The following ARHGAP24 variants were observed in gnomAD, a reference collection of about 807,000 sequenced individuals.
ARHGAP24 encodes the protein Rho GTPase activating protein 24.
A neutral mutation model predicts 76.4 loss-of-function variants in ARHGAP24; 50 were observed. The ratio of observed to expected loss-of-function variants is 0.65; its 90% CI spans 0.52 to 0.83. The LOEUF (loss-of-function observed/expected upper bound fraction) is 0.83. ARHGAP24 is among the 40% of genes least tolerant of loss of function. ARHGAP24 has a pLI of 0.00. For synonymous variants in ARHGAP24, 345 were observed against 323.3 expected, an observed-to-expected ratio of 1.07 and a Z score of -0.72; for missense variants, 930 against 914.2, an observed-to-expected ratio of 1.02 and a Z score of -0.22.
Position 85,707,410 on chromosome 4 carries a change from G to A in ARHGAP24, c.181-14475G>A, listed in dbSNP as rs1289975124. Among the ~76,000 whole-genome samples, 8 of 9,868 alleles carry A rather than the reference G, an allele frequency of 8.1e-4. No individual in the cohort carries two copies. In the Non-Finnish European group the frequency reaches 0.015, roughly 18 times the overall value. The allele number at this position is 9,868 out of a possible 152,430, so 6.5% of individuals were successfully genotyped here. A position where few individuals can be genotyped will look rare whatever the true frequency, so the allele number is the denominator to read the frequency against. ...CTTGAATTAGTATTTTATTTTGACTGAGATAAGAACGTTATTTAACTTTTA... is the reference window on the plus strand; with the variant it reads ...CTTGAATTAGTATTTTATTTTGACTAAGATAAGAACGTTATTTAACTTTTA... On this transcript the variant is annotated intron_variant, in intron 2 of 9. Transcript: ENST00000395184.
intron 2 of ARHGAP24, among the ~76,000 whole-genome samples, chr4:85,576,445 T>C (rs1285530307): frequency 1.3e-5 from 2 of 149,964 alleles, no homozygotes; most frequent in African/African-American, 4.9e-5. Flanking sequence ...AAAAAAAAAG[T>C]AAGTTCTAAT....
intron 3 of ARHGAP24, among the ~76,000 whole-genome samples, chr4:85,879,312 C>T (rs76324169): frequency 3.5e-4 from 53 of 152,130 alleles, no homozygotes; most frequent in East Asian, 2.7e-3. Context: ...CATTTCTGTA[C>T]GACACGTTAA....
In ARHGAP24 at chr4:85,900,254, A is replaced by G. The variant is rs72972032; in HGVS notation, c.269-23394A>G. Among the ~76,000 whole-genome samples, 786 of 152,304 alleles carry G rather than the reference A, an allele frequency of 5.2e-3. 7 individuals carry two copies. The highest frequency in any genetic ancestry group is 0.017 in the African/African-American group (727 of 41,570). ...ATCAATATCAGTATTCTATCAGTAT[A>G]TGTTCTCCCCACCACTATTCAGGGA... On this transcript the variant is annotated intron_variant, in intron 3 of 9. Coordinates refer to ENST00000395184, the MANE Select transcript of ARHGAP24 (RefSeq NM_001025616.3).
At chr4:85,630,854 GC>G (rs1721135096) in intron 2 of ARHGAP24, among the ~76,000 whole-genome samples, 1 of 151,680 alleles carries the variant, frequency 6.6e-6, no homozygotes, top group African/African-American at 2.4e-5. Flanking sequence ...AAGAATGTTA[GC>G]CCTTACTTGT....
intron 2 of ARHGAP24, among the ~76,000 whole-genome samples, chr4:85,673,460 C>T (rs1247219174): frequency 2.6e-5 from 4 of 152,008 alleles, no homozygotes; most frequent in Admixed American, 2.6e-4. Flanking sequence ...TCTGTGAACT[C>T]TCTTTTCTTT....
chr4:85,779,672 A>G (rs1010828874), intron 3 of ARHGAP24, among the ~76,000 whole-genome samples: 4 of 152,142 alleles, frequency 2.6e-5, no homozygotes, highest in African/African-American at 9.7e-5. Context: ...ATTTCTAAGA[A>G]GAGTGAAATT....
At chr4:85,668,234 C>T (rs75653727) in intron 2 of ARHGAP24, among the ~76,000 whole-genome samples, 3,644 of 152,284 alleles carry the variant, frequency 0.024, 134 homozygotes, top group African/African-American at 0.083. Context: ...CATACACTTT[C>T]AGCAGACTTA....
chr4:85,656,509 C>T (rs895421057), intron 2 of ARHGAP24, among the ~76,000 whole-genome samples: 1 of 152,124 alleles, frequency 6.6e-6, no homozygotes, highest in Non-Finnish European at 1.5e-5. Context: ...CGCTCTGTCA[C>T]CAGACTGGAG....
intron 2 of ARHGAP24, among the ~76,000 whole-genome samples, chr4:85,595,685 GA>G (rs1719804507): frequency 1.3e-5 from 2 of 152,020 alleles, no homozygotes; most frequent in African/African-American, 4.8e-5. Flanking sequence ...GGGGGAAAAT[GA>G]AAACAAGCTT....
intron 5 of ARHGAP24, among the ~76,000 whole-genome samples, chr4:85,956,591 G>A (rs1231067707): frequency 7.2e-5 from 11 of 151,820 alleles, no homozygotes; most frequent in Admixed American, 5.2e-4. Flanking sequence ...ATTAGAAGCC[G>A]TGGGTCATAG....
chr4:85,682,195 C>T (rs181205757), intron 2 of ARHGAP24, among the ~76,000 whole-genome samples: 5 of 152,218 alleles, frequency 3.3e-5, no homozygotes, highest in East Asian at 1.9e-4. Flanking sequence ...ACTGCCATTG[C>T]GTTAAAAACA....
intron 3 of ARHGAP24, among the ~76,000 whole-genome samples, chr4:85,771,911 G>GT (rs1480785533): frequency 6.6e-6 from 1 of 152,072 alleles, no homozygotes; most frequent in Non-Finnish European, 1.5e-5. Flanking sequence ...GTTTCATTAT[G>GT]TTGACCAGGC....
intron 2 of ARHGAP24, among the ~76,000 whole-genome samples, chr4:85,706,831 T>C (rs912700113): frequency 2.6e-5 from 4 of 152,220 alleles, no homozygotes; most frequent in African/African-American, 9.6e-5. Context: ...CCCAAAGTGC[T>C]GGGATTATAG....
At chr4:85,755,295 A>G (rs987215246) in intron 3 of ARHGAP24, among the ~76,000 whole-genome samples, 1 of 152,212 alleles carries the variant, frequency 6.6e-6, no homozygotes, top group Admixed American at 6.5e-5. Flanking sequence ...CCTGTAGGTG[A>G]AGGTCTATTG....
intron 2 of ARHGAP24, among the ~76,000 whole-genome samples, chr4:85,571,133 G>C (rs145214412): frequency 7.2e-5 from 11 of 152,288 alleles, no homozygotes; most frequent in Non-Finnish European, 1.6e-4. Flanking sequence ...GACATTTTCA[G>C]TATCAATTCT....
intron 2 of ARHGAP24, among the ~76,000 whole-genome samples, chr4:85,646,816 A>G (rs1212983804): frequency 6.6e-6 from 1 of 152,090 alleles, no homozygotes; most frequent in African/African-American, 2.4e-5. Context: ...TATATTTTTG[A>G]AAGTGTACTC....
intron 2 of ARHGAP24, among the ~76,000 whole-genome samples, chr4:85,702,629 T>G (rs562282907): frequency 6.6e-6 from 1 of 152,274 alleles, no homozygotes; most frequent in African/African-American, 2.4e-5. Flanking sequence ...AAATTGTCAA[T>G]AAGTTATTCA....
intron 2 of ARHGAP24, among the ~76,000 whole-genome samples, chr4:85,681,914 A>T (rs1427917390): frequency 3.9e-5 from 6 of 152,222 alleles, no homozygotes. Flanking sequence ...ATTCAAAATA[A>T]TTTATATGGA....
intron 3 of ARHGAP24, among the ~76,000 whole-genome samples, chr4:85,724,191 T>G (rs1725068970): frequency 6.6e-6 from 1 of 152,178 alleles, no homozygotes; most frequent in African/African-American, 2.4e-5. Flanking sequence ...TCTATAAAAT[T>G]CTTTCAATTG....
Sources: allele counts gnomAD v4.1 joint callset (sites outside exome capture counted in the v4.1 genomes callset), GRCh38; gene constraint gnomAD v4.1.1; transcripts MANE v1.5; gene names NCBI Gene and HGNC (gene_info 2026-07-23, HGNC 2026-07-21).